The following UST variants were observed in gnomAD, a reference collection of about 807,000 sequenced individuals.
The protein encoded by UST is uronyl 2-sulfotransferase, also known as chondroitin sulfate 2-O-sulfotransferase.
UST carries 21 observed loss-of-function variants against 45.6 expected under a neutral mutation model. The ratio of observed to expected loss-of-function variants is 0.46; its 90% CI spans 0.33 to 0.66. The LOEUF is 0.66. Among genes scored for constraint, UST ranks in the 30% least tolerant of loss-of-function variants. The pLI is 0.02. For missense variants in UST, 463 were observed against 512.4 expected (o/e 0.90, Z 0.93); for synonymous variants, 215 against 200.6 (o/e 1.07, Z -0.61).
intron 5 of UST, among the ~76,000 whole-genome samples, chr6:149,016,803 A>C (rs1775904388): frequency 6.6e-6 from 1 of 152,208 alleles, no homozygotes; most frequent in African/African-American, 2.4e-5. Flanking sequence ...CGACCTCAGC[A>C]GATGAACACT....
At chr6:148,892,239 G>A (rs1779034301) in intron 2 of UST, among the ~76,000 whole-genome samples, 1 of 152,198 alleles carries the variant, frequency 6.6e-6, no homozygotes, top group African/African-American at 2.4e-5. Flanking sequence ...GTGCCGTCGT[G>A]TGATGGCTTG....
chr6:148,886,639 G>A (rs1379896068), intron 1 of UST, among the ~76,000 whole-genome samples: 1 of 152,190 alleles, frequency 6.6e-6, no homozygotes, highest in Non-Finnish European at 1.5e-5. Context: ...GTTTCAACAA[G>A]CCCTGCGGGT....
intron 5 of UST, among the ~76,000 whole-genome samples, chr6:148,987,032 C>G (rs1562321570): frequency 6.6e-6 from 1 of 152,204 alleles, no homozygotes; most frequent in South Asian, 2.1e-4. Flanking sequence ...ATGTATCTTT[C>G]TGAATCTTAC....
intron 3 of UST, among the ~76,000 whole-genome samples, chr6:148,950,443 G>A (rs1330124679): frequency 6.6e-6 from 1 of 152,062 alleles, no homozygotes; most frequent in Non-Finnish European, 1.5e-5. Flanking sequence ...ATTTTTTCTG[G>A]CTGTTGATCA....
chr6:148,862,510 A>G (rs2114802192), intron 1 of UST, among the ~76,000 whole-genome samples: 1 of 152,250 alleles, frequency 6.6e-6, no homozygotes, highest in South Asian at 2.1e-4. Flanking sequence ...TAAGGTTAAT[A>G]TTGTTGTGTG....
intron 3 of UST, among the ~76,000 whole-genome samples, chr6:148,951,556 A>G (rs1780365248): frequency 6.6e-6 from 1 of 152,156 alleles, no homozygotes; most frequent in Admixed American, 6.5e-5. Flanking sequence ...AGGTGGTGCC[A>G]TTGTCACCCC....
chr6:148,883,022 T>C (rs1236265890), intron 1 of UST, among the ~76,000 whole-genome samples: 2 of 152,244 alleles, frequency 1.3e-5, no homozygotes, highest in Admixed American at 6.5e-5. Flanking sequence ...TGAGGAACTT[T>C]TGTCATGCGT....
chr6:148,863,061 C>A (rs8180645), intron 1 of UST, among the ~76,000 whole-genome samples: 142,405 of 152,232 alleles, frequency 0.94, 66,722 homozygotes, highest in East Asian at 1. Flanking sequence ...TAGGTTGGGG[C>A]AGTTCTCCTG....
At chr6:148,907,759 G>A in intron 2 of UST, among the ~76,000 whole-genome samples, 1 of 152,188 alleles carries the variant, frequency 6.6e-6, no homozygotes, top group East Asian at 1.9e-4. Context: ...GAATGGAAAA[G>A]TGCTAACGAA....
In UST at chr6:148,748,937, A is replaced by AC. The variant is rs1775934502; in HGVS notation, c.247+1263dup. Among the ~76,000 whole-genome samples the AC allele has an allele frequency of 6.6e-6, 1 of 151,186 alleles. No individual in the cohort carries two copies. Among genetic ancestry groups the AC allele is most frequent in the African/African-American group, 2.4e-5 (1 of 41,022 alleles). On this transcript the variant is annotated intron_variant, in intron 1 of 7. Coordinates refer to ENST00000367463, the MANE Select transcript of UST (RefSeq NM_005715.3). This position sits in a 1 kb window ranked among gnomAD's most constrained non-coding sequence, Gnocchi z 5.3. ...GAGAAAAGAAAAGGAAAAAAAAAAA[A>AC]CCCAAAACAAACAAACAAAACAAAG...
intron 1 of UST, among the ~76,000 whole-genome samples, chr6:148,816,598 A>G (rs896648710): frequency 1.3e-5 from 2 of 152,196 alleles, no homozygotes; most frequent in Admixed American, 6.5e-5. Flanking sequence ...AAAACCCAAC[A>G]AAAGAGTCAT....
intron 1 of UST, among the ~76,000 whole-genome samples, chr6:148,870,092 A>G (rs1778518837): frequency 7.1e-6 from 1 of 141,126 alleles, no homozygotes; most frequent in Non-Finnish European, 1.5e-5. Flanking sequence ...CCAGCTTCAC[A>G]GTGGTAATGT....
intron 5 of UST, chr6:149,005,390 C>G (rs1050758196): frequency 4.5e-5 from 44 of 985,300 alleles, no homozygotes; most frequent in Admixed American, 6.2e-5. Flanking sequence ...CGGGATCTGA[C>G]AGGAAGTTCA....
intron 5 of UST, among the ~76,000 whole-genome samples, chr6:148,974,431 G>A (rs1780977473): frequency 6.6e-6 from 1 of 152,128 alleles, no homozygotes; most frequent in South Asian, 2.1e-4. Context: ...AACAACGTTT[G>A]TTCCCTTTTC....
intron 5 of UST, among the ~76,000 whole-genome samples, chr6:149,015,229 G>A (rs1049866053): frequency 6.6e-6 from 1 of 152,150 alleles, no homozygotes; most frequent in Non-Finnish European, 1.5e-5. Flanking sequence ...GGAAAAAGAC[G>A]AGCCCACAAA....
chr6:148,863,490 C>T (rs1279073983), intron 1 of UST, among the ~76,000 whole-genome samples: 1 of 152,208 alleles, frequency 6.6e-6, no homozygotes, highest in African/African-American at 2.4e-5. Flanking sequence ...TTGTCTGAAG[C>T]CTTCTTCTCT....
intron 1 of UST, among the ~76,000 whole-genome samples, chr6:148,799,778 T>C (rs1777022863): frequency 6.6e-6 from 1 of 152,184 alleles, no homozygotes; most frequent in Admixed American, 6.5e-5. Flanking sequence ...ACTTAATCCT[T>C]TATTTTACCT....
rs1316986282 is a variant in UST at position 148,990,337 on chromosome 6, G to A, written c.681+25774G>A. 9 of 947,334 alleles carry A rather than the reference G, an allele frequency of 9.5e-6. No homozygotes were observed. The Admixed American group carries it at 4.9e-4, about 52-fold the overall frequency. 58.7% of individuals were successfully genotyped at this position (947,334 alleles called of 1,614,324 possible). On this transcript the variant is annotated intron_variant, in intron 5 of 7. Coordinates refer to ENST00000367463, the MANE Select transcript of UST (RefSeq NM_005715.3). ...TATTTGAAGACAAAGAATAAGATTT[G>A]ATGCCATGAGATCTTTCTTTCTTTT...
At chr6:148,755,385 C>G (rs993455459) in intron 1 of UST, among the ~76,000 whole-genome samples, 2 of 152,084 alleles carry the variant, frequency 1.3e-5, no homozygotes, top group Non-Finnish European at 1.5e-5. Context: ...TAGTAGGTTT[C>G]AAAAATATAT....
Sources: allele counts gnomAD v4.1 joint callset (sites outside exome capture counted in the v4.1 genomes callset), GRCh38; gene constraint gnomAD v4.1.1; non-coding constraint Gnocchi (gnomAD v3.1); transcripts MANE v1.5; gene names NCBI Gene and HGNC (gene_info 2026-07-23, HGNC 2026-07-21).